EPHB1: variants seen among roughly 807,000 people sequenced by gnomAD.
EPHB1 encodes the protein ephrin type-B receptor 1.
Under a neutral mutation model 94.4 loss-of-function variants are expected in EPHB1, and 30 were observed. That is an observed-to-expected ratio of 0.32 (90% CI 0.24 to 0.43). The LOEUF (loss-of-function observed/expected upper bound fraction) is 0.43. Among genes scored for constraint, EPHB1 ranks in the 20% least tolerant of loss-of-function variants. EPHB1 has a pLI of 1.00. For missense variants in EPHB1, 1,055 were observed against 1,308.3 expected (o/e 0.81, Z 2.99); for synonymous variants, 522 against 489.1 (o/e 1.07, Z -0.89).
chr3:135,130,688 T>A (rs545616825), intron 4 of EPHB1, among the ~76,000 whole-genome samples: 2 of 152,166 alleles, frequency 1.3e-5, no homozygotes, highest in Non-Finnish European at 2.9e-5. Context: ...GGATGATCAC[T>A]CTCTTGGTCA....
At chr3:134,848,421 G>A (rs1428461030) in intron 1 of EPHB1, among the ~76,000 whole-genome samples, 1 of 152,194 alleles carries the variant, frequency 6.6e-6, no homozygotes, top group African/African-American at 2.4e-5. Flanking sequence ...AATAGAAATT[G>A]TAGCACATTG....
At chr3:135,128,622 T>A (rs989380112) in intron 4 of EPHB1, among the ~76,000 whole-genome samples, 4 of 151,616 alleles carry the variant, frequency 2.6e-5, no homozygotes, top group African/African-American at 9.7e-5. Context: ...GCCCTGGTGC[T>A]TTTTTTTTCA....
At chr3:134,826,449 A>G (rs886347516) in intron 1 of EPHB1, among the ~76,000 whole-genome samples, 1 of 152,060 alleles carries the variant, frequency 6.6e-6, no homozygotes, top group Non-Finnish European at 1.5e-5. Context: ...TCTGCTTTGC[A>G]TATAATCGAT....
intron 1 of EPHB1, among the ~76,000 whole-genome samples, chr3:134,869,194 GT>G (rs939101180): frequency 5.9e-5 from 9 of 152,238 alleles, no homozygotes; most frequent in Non-Finnish European, 1.3e-4. Flanking sequence ...CTGGAAGGGA[GT>G]TTTTAGAGGA....
chr3:134,838,114 A>C (rs2036709632), intron 1 of EPHB1, among the ~76,000 whole-genome samples: 1 of 152,164 alleles, frequency 6.6e-6, no homozygotes, highest in Non-Finnish European at 1.5e-5. Context: ...CAACACACTC[A>C]TGCCCCATGG....
At chr3:135,257,627 C>G (rs565430642) in intron 15 of EPHB1, among the ~76,000 whole-genome samples, 73 of 151,674 alleles carry the variant, frequency 4.8e-4, no homozygotes, top group Admixed American at 2.4e-3. Context: ...TCAAAGCTGT[C>G]AGACAGGGAC....
intron 2 of EPHB1, among the ~76,000 whole-genome samples, chr3:134,949,190 G>C (rs182046456): frequency 1.3e-5 from 2 of 152,288 alleles, no homozygotes; most frequent in African/African-American, 4.8e-5. Context: ...ACTGCTGCAA[G>C]GATACTGGCA....
intron 12 of EPHB1, among the ~76,000 whole-genome samples, chr3:135,237,751 T>C (rs1415286801): frequency 1.3e-5 from 2 of 152,208 alleles, no homozygotes; most frequent in East Asian, 3.9e-4. Flanking sequence ...AATTTTTCCC[T>C]GATATTCCTC....
intron 3 of EPHB1, among the ~76,000 whole-genome samples, chr3:135,092,999 C>A (rs1938613836): frequency 6.6e-6 from 1 of 152,158 alleles, no homozygotes; most frequent in African/African-American, 2.4e-5. Flanking sequence ...CTCCTCCAGA[C>A]CCCCTTACAC....
chr3:135,233,982 C>T (rs1328711424), intron 12 of EPHB1, among the ~76,000 whole-genome samples: 2 of 152,186 alleles, frequency 1.3e-5, no homozygotes, highest in African/African-American at 2.4e-5. Flanking sequence ...CCATTTTTCC[C>T]TCCTAGGCCT....
At chr3:135,099,964 A>T (rs1229719409) in intron 3 of EPHB1, among the ~76,000 whole-genome samples, 2 of 152,198 alleles carry the variant, frequency 1.3e-5, no homozygotes, top group African/African-American at 4.8e-5. Context: ...AGGCAGGCTG[A>T]CTTCCCTGAG....
intron 1 of EPHB1, among the ~76,000 whole-genome samples, chr3:134,907,362 G>A (rs1397426360): frequency 1.3e-5 from 2 of 152,204 alleles, no homozygotes; most frequent in African/African-American, 4.8e-5. Flanking sequence ...GGTAGACAAA[G>A]CTTTGCATCA....
intron 4 of EPHB1, among the ~76,000 whole-genome samples, chr3:135,118,776 G>A (rs1450152518): frequency 1.3e-5 from 2 of 152,170 alleles, no homozygotes; most frequent in African/African-American, 4.8e-5. Context: ...TGCACAGGGA[G>A]GCCCTAGCAA....
Position 134,812,035 on chromosome 3 carries a change from C to T in EPHB1, c.58+16346C>T, listed in dbSNP as rs139774420. On this transcript the variant is annotated intron_variant, in intron 1 of 15. Coordinates refer to ENST00000398015, the MANE Select transcript of EPHB1 (RefSeq NM_004441.5). The stretch of plus-strand genomic sequence containing the variant: ...ATTTCAGGATTTTAACAAGTACGGA[C>T]GGCTATGCCAGTGCCTACTCGCTGA... Among the ~76,000 whole-genome samples, 96 of 152,282 alleles carry T rather than the reference C, an allele frequency of 6.3e-4. No individual in the cohort carries two copies. The East Asian group carries it at 0.014, about 23-fold the overall frequency.
intron 3 of EPHB1, among the ~76,000 whole-genome samples, chr3:135,086,284 C>A (rs969991228): frequency 1.3e-5 from 2 of 150,776 alleles, no homozygotes; most frequent in Admixed American, 1.3e-4. Flanking sequence ...TGGAGGAGGA[C>A]CAGAAGAGTG....
rs552039094 is a variant in EPHB1, at chr3:134,981,893, T to C, written c.805+29841T>C. Among the ~76,000 whole-genome samples the C allele has an allele frequency of 7.2e-5, 11 of 152,358 alleles. No homozygotes were observed. In the East Asian group the frequency reaches 1.7e-3, roughly 24 times the overall value. On this transcript the variant is annotated intron_variant, in intron 3 of 15. Transcript: ENST00000398015. ...TTCTTCCTTGACAACAAGTCCTTGATGGTGGAGCATAATAATTATTAATAT... is the reference window on the plus strand; with the variant it reads ...TTCTTCCTTGACAACAAGTCCTTGACGGTGGAGCATAATAATTATTAATAT...
In EPHB1 at chr3:135,259,002, T is replaced by C; in HGVS notation, c.2847-10T>C. On this transcript the variant is annotated splice_polypyrimidine_tract_variant and intron_variant, in intron 15 of 15. Coordinates refer to ENST00000398015, the MANE Select transcript of EPHB1 (RefSeq NM_004441.5). ...CTAAAGTGACTTCTTTTCTGGCTCT[T>C]TCCTCCTAGAGACCTCCTGAGAATA... The C allele has an allele frequency of 6.3e-7, 1 of 1,595,388 alleles. No homozygotes were observed. Among genetic ancestry groups the C allele is most frequent in the Non-Finnish European group, 8.5e-7 (1 of 1,169,766 alleles).
chr3:134,810,533 G>A (rs1029139664), intron 1 of EPHB1, among the ~76,000 whole-genome samples: 8 of 152,112 alleles, frequency 5.3e-5, no homozygotes, highest in African/African-American at 1.4e-4. Context: ...CCCACTTCAC[G>A]TTGTTATTAA....
intron 1 of EPHB1, among the ~76,000 whole-genome samples, chr3:134,866,989 A>G (rs2108306035): frequency 6.6e-6 from 1 of 152,316 alleles, no homozygotes; most frequent in South Asian, 2.1e-4. Context: ...CTGGTCATTG[A>G]ACACATTGAG....
Sources: allele counts gnomAD v4.1 joint callset (sites outside exome capture counted in the v4.1 genomes callset), GRCh38; gene constraint gnomAD v4.1.1; transcripts MANE v1.5; gene names NCBI Gene and HGNC (gene_info 2026-07-23, HGNC 2026-07-21).